The following PDE5A variants were observed in gnomAD, a reference collection of about 807,000 sequenced individuals.
The protein encoded by PDE5A is phosphodiesterase 5A, also known as cGMP-specific 3',5'-cyclic phosphodiesterase.
PDE5A carries 67 observed loss-of-function variants against 110.2 expected under a neutral mutation model. That is an observed-to-expected ratio of 0.61 (90% confidence interval 0.50 to 0.75). The LOEUF is 0.75. PDE5A is among the 30% of genes least tolerant of loss of function. The pLI is 0.00. For missense variants in PDE5A, 862 were observed against 1,045.1 expected, an observed-to-expected ratio of 0.82 and a Z score of 2.42; for synonymous variants, 328 against 351.2, an observed-to-expected ratio of 0.93 and a Z score of 0.74.
intron 7 of PDE5A, among the ~76,000 whole-genome samples, chr4:119,554,811 A>G (rs6858777): frequency 0.27 from 41,120 of 152,074 alleles, 5,621 homozygotes; most frequent in East Asian, 0.38. Flanking sequence ...TAGCATTTAC[A>G]TTGTATTAGG....
At chr4:119,572,284 A>G (rs898852080) in intron 3 of PDE5A, among the ~76,000 whole-genome samples, 1 of 152,336 alleles carries the variant, frequency 6.6e-6, no homozygotes, top group South Asian at 2.1e-4. Context: ...ATTATTTTAC[A>G]TGTACTCAAA....
At chr4:119,610,299 A>G (rs968703559) in intron 1 of PDE5A, among the ~76,000 whole-genome samples, 3 of 152,240 alleles carry the variant, frequency 2.0e-5, no homozygotes, top group Admixed American at 6.5e-5. Flanking sequence ...CCAACAGTGC[A>G]TAGGAAGCTT....
At position 119,497,531 on chromosome 4, in the gene PDE5A, T is replaced by C. The variant is rs897023791; in HGVS notation, c.*1070A>G. 4.6e-5 allele frequency: 7 copies of C among 152,168 alleles called. No individual in the cohort carries two copies. Among genetic ancestry groups the C allele is most frequent in the African/African-American group, 1.2e-4 (5 of 41,470 alleles). The allele number at this position is 152,168 out of a possible 1,614,324, so 9.4% of individuals were successfully genotyped here. ...AAATATGGCAATTTTTCAATCACAA[T>C]ACTGCTAAATGTTATTCAGGCATAA... On this transcript the variant is annotated 3_prime_UTR_variant, in exon 21 of 21. Coordinates refer to ENST00000354960, the MANE Select transcript of PDE5A (RefSeq NM_001083.4).
In PDE5A at chr4:119,627,066, C is replaced by T. The variant is rs1560649843; in HGVS notation, c.152+1454G>A. 2 of 1,507,744 alleles carry T rather than the reference C, an allele frequency of 1.3e-6. No individual in the cohort carries two copies. The highest frequency in any genetic ancestry group is 1.8e-6 in the Non-Finnish European group (2 of 1,095,550). 93.4% of individuals were successfully genotyped at this position (1,507,744 alleles called of 1,614,324 possible). ...TGATACATCGTCCCACTGGTGCCAC[C>T]GGGGCGCCACCACCCAGCACCCGAG... On this transcript the variant is annotated intron_variant, in intron 1 of 20. Coordinates refer to ENST00000354960, the MANE Select transcript of PDE5A (RefSeq NM_001083.4). This position sits in a 1 kb window ranked among gnomAD's most constrained non-coding sequence, Gnocchi z 4.6.
intron 1 of PDE5A, among the ~76,000 whole-genome samples, chr4:119,614,160 T>C (rs1424520728): frequency 6.7e-6 from 1 of 149,364 alleles, no homozygotes; most frequent in Admixed American, 6.7e-5. Flanking sequence ...TTAAGGATAG[T>C]GTCCATAAAA....
At chr4:119,504,250 G>C (rs1245267659) in intron 18 of PDE5A, among the ~76,000 whole-genome samples, 3 of 152,078 alleles carry the variant, frequency 2.0e-5, no homozygotes, top group African/African-American at 7.2e-5. Flanking sequence ...TTGGCCTCCA[G>C]CTCCAATCAT....
rs886906890 is a variant in PDE5A at position 119,588,066 on chromosome 4, C to T, written c.831+8457G>A. Among the ~76,000 whole-genome samples the T allele has an allele frequency of 3.3e-5, 5 of 152,298 alleles. No individual in the cohort carries two copies. The South Asian group carries it at 1.0e-3, about 32-fold the overall frequency. ...CTCTAGCTTCCCTAGTTCAGTCTTT[C>T]CTTCGAACTTGTGTGTTGAATATTG... On this transcript the variant is annotated intron_variant, in intron 3 of 20. Transcript: ENST00000354960.
chr4:119,598,460 A>T (rs533907615), intron 2 of PDE5A, among the ~76,000 whole-genome samples: 2 of 152,214 alleles, frequency 1.3e-5, no homozygotes, highest in Non-Finnish European at 2.9e-5. Context: ...TAGGTCCAGT[A>T]AACATCAAAG....
chr4:119,577,770 C>A (rs1011236766), intron 3 of PDE5A, among the ~76,000 whole-genome samples: 1 of 152,166 alleles, frequency 6.6e-6, no homozygotes, highest in African/African-American at 2.4e-5. Context: ...CCTTTGAAAA[C>A]TGGCACAAGA....
At chr4:119,571,143 G>C (rs1050242019) in intron 3 of PDE5A, among the ~76,000 whole-genome samples, 15 of 152,134 alleles carry the variant, frequency 9.9e-5, no homozygotes, top group Non-Finnish European at 2.9e-5. Flanking sequence ...CTGAGAGTGA[G>C]AGAGTTGACA....
chr4:119,594,998 G>C (rs1438287527), intron 3 of PDE5A, among the ~76,000 whole-genome samples: 3 of 152,134 alleles, frequency 2.0e-5, no homozygotes, highest in African/African-American at 7.2e-5. Flanking sequence ...CAAATTTCCA[G>C]GCAGTGATAT....
chr4:119,537,876 T>C (rs1374877325), intron 11 of PDE5A, among the ~76,000 whole-genome samples: 1 of 152,054 alleles, frequency 6.6e-6, no homozygotes, highest in Non-Finnish European at 1.5e-5. Context: ...AAAATTATAA[T>C]GTTTTGTGTA....
chr4:119,568,651 T>A (rs1728032609), intron 3 of PDE5A, among the ~76,000 whole-genome samples: 1 of 152,178 alleles, frequency 6.6e-6, no homozygotes, highest in African/African-American at 2.4e-5. Context: ...GAAGGGGCAC[T>A]TAATGTGGGT....
At chr4:119,578,594 C>T (rs1303702074) in intron 3 of PDE5A, among the ~76,000 whole-genome samples, 4 of 151,986 alleles carry the variant, frequency 2.6e-5, no homozygotes, top group African/African-American at 4.8e-5. Flanking sequence ...GGGAAATGAT[C>T]CCCTATTTAA....
chr4:119,581,635 T>C (rs1315807268), intron 3 of PDE5A, among the ~76,000 whole-genome samples: 1 of 152,204 alleles, frequency 6.6e-6, no homozygotes, highest in Admixed American at 6.5e-5. Context: ...AACTCCTAGT[T>C]GTAGGTGTCA....
chr4:119,545,343 GA>G (rs1727096741), intron 9 of PDE5A, among the ~76,000 whole-genome samples: 3 of 152,022 alleles, frequency 2.0e-5, no homozygotes, highest in African/African-American at 7.2e-5. Flanking sequence ...GTACAATAAT[GA>G]AATTTAAAAC....
intron 3 of PDE5A, among the ~76,000 whole-genome samples, chr4:119,588,802 T>G (rs145551952): frequency 2.0e-3 from 310 of 152,320 alleles, no homozygotes; most frequent in African/African-American, 7.2e-3. Context: ...TTTGAATCTT[T>G]TTAGTTTTTA....
At chr4:119,506,336 A>G (rs925347050) in intron 16 of PDE5A, among the ~76,000 whole-genome samples, 2 of 151,836 alleles carry the variant, frequency 1.3e-5, no homozygotes, top group Non-Finnish European at 2.9e-5. Context: ...AAAAATATCT[A>G]AAGTTGTGAA....
chr4:119,555,131 C>A (rs1727493374), intron 7 of PDE5A, among the ~76,000 whole-genome samples: 1 of 152,252 alleles, frequency 6.6e-6, no homozygotes, highest in East Asian at 1.9e-4. Context: ...ACCCTGTGGC[C>A]TGGTTCCTGG....
Sources: gnomAD v4.1 joint callset for allele counts (sites outside exome capture counted in the v4.1 genomes callset) on GRCh38, gnomAD v4.1.1 for gene constraint, Gnocchi (gnomAD v3.1) non-coding constraint, MANE v1.5 for transcripts, NCBI Gene and HGNC (gene_info 2026-07-23, HGNC 2026-07-21) for gene names.